Variants in TERF1 observed in about 807,000 individuals in gnomAD.
TERF1 encodes the protein telomeric repeat-binding factor 1.
In TERF1, 20 loss-of-function variants were observed where a neutral mutation model predicts 55.1. The observed-to-expected ratio is 0.36, with a 90% CI of 0.26 to 0.53. TERF1 has a LOEUF of 0.53. Ranked by LOEUF, TERF1 falls within the 20% of genes least tolerant of loss-of-function variation. The pLI is 0.91. For missense variants in TERF1, 439 were observed against 535.7 expected, an observed-to-expected ratio of 0.82 and a Z score of 1.78; for synonymous variants, 168 against 181.2, an observed-to-expected ratio of 0.93 and a Z score of 0.59.
intron 5 of TERF1, among the ~76,000 whole-genome samples, chr8:73,026,643 T>C (rs56302650): frequency 6.6e-6 from 1 of 151,620 alleles, no homozygotes; most frequent in African/African-American, 2.4e-5. Flanking sequence ...TTTTATTTTT[T>C]TTTTTTTTCA....
At position 73,043,743 on chromosome 8, in the gene TERF1, G is replaced by A. The variant is rs546348477; in HGVS notation, c.1144-2218G>A. Among the ~76,000 whole-genome samples, 118 of 152,172 alleles carry A rather than the reference G, an allele frequency of 7.8e-4. No homozygotes were observed. The Middle Eastern group carries it at 0.01, about 13-fold the overall frequency. ...ATTGGTCATTTCTTGAAAGAAAGGG[G>A]CTTTTGTATTGTATCAAACGTCATC... is the stretch of plus-strand genomic sequence containing the variant. On this transcript the variant is annotated intron_variant, in intron 9 of 9. Transcript: ENST00000276603.
At chr8:73,038,934 T>C (rs1327811215) in intron 8 of TERF1, 182 bp from the exon 9 acceptor site, 2 of 528,014 alleles carry the variant, frequency 3.8e-6, no homozygotes, top group Non-Finnish European at 5.9e-6. Context: ...ACTCCCCCTC[T>C]GATTTCAAAG....
chr8:73,022,481 C>T (rs577485049), intron 4 of TERF1, among the ~76,000 whole-genome samples, 179 bp downstream of exon 4: 4 of 152,038 alleles, frequency 2.6e-5, no homozygotes, highest in Non-Finnish European at 4.4e-5. Flanking sequence ...ATAAGCTGGA[C>T]GCAGTAGCTT....
intron 1 of TERF1, chr8:73,010,686 C>T (rs993462904): frequency 1.3e-5 from 2 of 152,062 alleles, no homozygotes; most frequent in African/African-American, 4.8e-5. Flanking sequence ...AATAAGTGCT[C>T]AATGAATTGA....
At chr8:73,009,318 A>C (rs916365839) in intron 1 of TERF1, 113 bp downstream of exon 1, 3 of 292,152 alleles carry the variant, frequency 1.0e-5, no homozygotes, top group Admixed American at 6.9e-5. Flanking sequence ...GCTGCGGCCG[A>C]TTAGCTGGGA....
In TERF1 at chr8:73,008,970, G is replaced by A; in HGVS notation, c.84G>A (p.Met28Ile). Residue 28 changes from methionine (M) to isoleucine (I), a missense_variant, in exon 1 of 10, where the codon ATG (methionine) becomes ATA (isoleucine). Transcript: ENST00000276603. ...GRDADPTEEQ[M>I]AETERNDEEQ... is the part of the protein sequence containing the mutation. ...ATGCCGACCCTACTGAGGAGCAGATGGCAGAAACAGAGAGAAACGACGAGG... is the reference window on the plus strand; with the variant it reads ...ATGCCGACCCTACTGAGGAGCAGATAGCAGAAACAGAGAGAAACGACGAGG... 6.2e-7 allele frequency: 1 copy of A among 1,612,900 alleles called. No homozygotes were observed. Among genetic ancestry groups the A allele is most frequent in the Non-Finnish European group, 8.5e-7 (1 of 1,179,736 alleles).
intron 2 of TERF1, among the ~76,000 whole-genome samples, chr8:73,018,234 G>A (rs1287030128): frequency 6.6e-6 from 1 of 152,254 alleles, no homozygotes; most frequent in East Asian, 1.9e-4. Flanking sequence ...GACTTAGTAT[G>A]TGAATGAATA....
At chr8:73,043,762 C>T (rs190670000) in intron 9 of TERF1, among the ~76,000 whole-genome samples, 2 of 152,252 alleles carry the variant, frequency 1.3e-5, no homozygotes, top group Admixed American at 6.5e-5. Flanking sequence ...TTGTATCAAA[C>T]GTCATCTGTG....
chr8:73,015,844 A>AT (rs1808480888), intron 2 of TERF1, among the ~76,000 whole-genome samples: 1 of 152,196 alleles, frequency 6.6e-6, no homozygotes, highest in Non-Finnish European at 1.5e-5. Flanking sequence ...AGAAATTCCC[A>AT]TTCCAGCAGG....
intron 5 of TERF1, among the ~76,000 whole-genome samples, chr8:73,025,444 T>C (rs1034381825): frequency 1.3e-5 from 2 of 148,880 alleles, no homozygotes; most frequent in African/African-American, 5.0e-5. Flanking sequence ...ACCCCTTATC[T>C]ACAAAAAAAT....
intron 4 of TERF1, among the ~76,000 whole-genome samples, chr8:73,023,928 A>T (rs1353131551): frequency 2.0e-5 from 3 of 152,164 alleles, no homozygotes; most frequent in Admixed American, 6.6e-5. Context: ...CAGCAATTCC[A>T]CTTCTAGACA....
chr8:73,034,830 A>T (rs1809441749), intron 8 of TERF1, among the ~76,000 whole-genome samples: 1 of 152,092 alleles, frequency 6.6e-6, no homozygotes, highest in African/African-American at 2.4e-5. Context: ...CTGAGACTTA[A>T]AAAGGTAAAT....
At position 73,045,888 on chromosome 8, in the gene TERF1, C is replaced by T. The variant is rs1284622859; in HGVS notation, c.1144-73C>T. ...TAAGCATTATTTTGATTTTTTAAAA[C>T]TGGCATTTATAGTAGGTATTTTCTT... On this transcript the variant is annotated intron_variant, in intron 9 of 9. Transcript: ENST00000276603. 10 of 1,198,164 alleles carry T rather than the reference C, an allele frequency of 8.3e-6. No individual in the cohort carries two copies. In the East Asian group the frequency reaches 8.4e-5, roughly 10 times the overall value. The allele number at this position is 1,198,164 out of a possible 1,614,324, so 74.2% of individuals were successfully genotyped here. A position where few individuals can be genotyped will look rare whatever the true frequency, so the allele number is the denominator to read the frequency against.
In TERF1 at chr8:73,046,246, A is replaced by G. The variant is rs1386876215; in HGVS notation, c.*109A>G. The G allele has an allele frequency of 2.1e-6, 2 of 969,032 alleles. No homozygotes were observed. The highest frequency in any genetic ancestry group is 2.9e-6 in the Non-Finnish European group (2 of 687,880). The allele number at this position is 969,032 out of a possible 1,614,324, so 60.0% of individuals were successfully genotyped here. On this transcript the variant is annotated 3_prime_UTR_variant, in exon 10 of 10. Transcript: ENST00000276603. Reference sequence around the variant, plus strand: ...TTAAAACTTTTGTTTAAAGCATTACAGTATTTTTCTGTGACCATCAATTAA... The same window carrying G: ...TTAAAACTTTTGTTTAAAGCATTACGGTATTTTTCTGTGACCATCAATTAA...
rs56164030 is a variant in TERF1, at chr8:73,018,973, G to C, written c.416-1711G>C. ...ATTAATGCAGTGCTCATGAATTTTT[G>C]TGTCATCCTTCTCGAGGGGCCATGC... On this transcript the variant is annotated intron_variant, in intron 2 of 9. Transcript: ENST00000276603. 435 of 152,256 alleles carry C rather than the reference G, an allele frequency of 2.9e-3. 3 individuals are homozygous for C. Among genetic ancestry groups the C allele is most frequent in the African/African-American group, 9.6e-3 (399 of 41,556 alleles). 9.4% of individuals were successfully genotyped at this position (152,256 alleles called of 1,614,324 possible).
chr8:73,010,982 A>G (rs1468533599), intron 1 of TERF1: 1 of 152,212 alleles, frequency 6.6e-6, no homozygotes, highest in Non-Finnish European at 1.5e-5. Context: ...TAATGGGCTT[A>G]AAATATTCAG....
chr8:73,037,007 TG>T (rs985249197), intron 8 of TERF1, among the ~76,000 whole-genome samples: 5 of 139,172 alleles, frequency 3.6e-5, no homozygotes, highest in African/African-American at 1.4e-4. Context: ...ATGGTTTATA[TG>T]TAATATAATA....
intron 1 of TERF1, chr8:73,009,602 G>A (rs1808196921): frequency 5.7e-6 from 1 of 174,224 alleles, no homozygotes; most frequent in Non-Finnish European, 1.2e-5. Flanking sequence ...ATGTTAATTT[G>A]TGAGCTATTA....
intron 2 of TERF1, chr8:73,018,944 TTTAA>T (rs1216217297): frequency 6.6e-6 from 1 of 152,230 alleles, no homozygotes; most frequent in Non-Finnish European, 1.5e-5. Flanking sequence ...AGAGTTTCTT[TTTAA>T]TTAATGCAGT....
Sources: allele counts gnomAD v4.1 joint callset (sites outside exome capture counted in the v4.1 genomes callset), GRCh38; gene constraint gnomAD v4.1.1; transcripts MANE v1.5; gene names NCBI Gene and HGNC (gene_info 2026-07-23, HGNC 2026-07-21).